ADAMTS6: variants seen among roughly 807,000 people sequenced by gnomAD.
ADAMTS6 encodes the protein ADAM metallopeptidase with thrombospondin type 1 motif 6.
ADAMTS6 carries 23 observed loss-of-function variants against 144.3 expected under a neutral mutation model. The ratio of observed to expected loss-of-function variants is 0.16; its 90% CI spans 0.11 to 0.23. ADAMTS6 has a LOEUF of 0.23. ADAMTS6 is among the 10% of genes least tolerant of loss of function. The pLI is 1.00. For synonymous variants in ADAMTS6, 444 were observed against 457.5 expected (o/e 0.97, Z 0.38); for missense variants, 999 against 1,379.6 (o/e 0.72, Z 4.37).
At chr5:65,178,364 A>G (rs1754114020) in intron 22 of ADAMTS6, among the ~76,000 whole-genome samples, 1 of 152,236 alleles carries the variant, frequency 6.6e-6, no homozygotes, top group Non-Finnish European at 1.5e-5. Flanking sequence ...GAAATCAAAT[A>G]GAGGCAGGAT....
intron 3 of ADAMTS6, among the ~76,000 whole-genome samples, chr5:65,461,261 T>A (rs536037931): frequency 6.6e-6 from 1 of 152,342 alleles, no homozygotes; most frequent in Middle Eastern, 3.4e-3. Context: ...AATCCCACAC[T>A]GCTTTGTTAC....
intron 14 of ADAMTS6, among the ~76,000 whole-genome samples, chr5:65,246,099 T>A (rs375298192): frequency 6.6e-6 from 1 of 152,188 alleles, no homozygotes; most frequent in African/African-American, 2.4e-5. Context: ...ATACAATCTA[T>A]ATAAACATCT....
rs546478234 is a variant in ADAMTS6 at position 65,244,455 on chromosome 5, A to G, written c.1831-2249T>C. ...AAATGGAAGAAAAATAAAATGTCCA[A>G]TATGGGGATATTACTATTTAATGAA... is the stretch of plus-strand genomic sequence containing the variant. On this transcript the variant is annotated intron_variant, in intron 14 of 24. Coordinates refer to ENST00000381055, the MANE Select transcript of ADAMTS6 (RefSeq NM_197941.4). Among the ~76,000 whole-genome samples, 8 of 152,258 alleles carry G rather than the reference A, an allele frequency of 5.3e-5. No homozygotes were observed. The South Asian group carries it at 1.7e-3, about 32-fold the overall frequency.
At chr5:65,380,524 C>G (rs1311554144) in intron 7 of ADAMTS6, among the ~76,000 whole-genome samples, 1 of 152,100 alleles carries the variant, frequency 6.6e-6, no homozygotes, top group African/African-American at 2.4e-5. Flanking sequence ...TGCAGTGAGA[C>G]AAGATCATGC....
chr5:65,248,558 G>T lies in ADAMTS6; in HGVS notation c.1831-6352C>A, dbSNP rs554597294. ...CTCACTCCTGTAATCCCAGCACTTTGAGAAGCCAAGGCAGGGTGGATCGCT... is the reference window on the plus strand; with the variant it reads ...CTCACTCCTGTAATCCCAGCACTTTTAGAAGCCAAGGCAGGGTGGATCGCT... On this transcript the variant is annotated intron_variant, in intron 14 of 24. Coordinates refer to ENST00000381055, the MANE Select transcript of ADAMTS6 (RefSeq NM_197941.4). Among the ~76,000 whole-genome samples, 4 of 152,226 alleles carry T rather than the reference G, an allele frequency of 2.6e-5. No individual in the cohort carries two copies. The East Asian group carries it at 7.7e-4, about 29-fold the overall frequency.
chr5:65,349,662 C>A (rs2150087172), intron 7 of ADAMTS6, among the ~76,000 whole-genome samples: 1 of 152,034 alleles, frequency 6.6e-6, no homozygotes, highest in East Asian at 1.9e-4. Context: ...CGAGACCAGC[C>A]TGGCCAATAT....
intron 7 of ADAMTS6, among the ~76,000 whole-genome samples, chr5:65,404,916 CG>C (rs1561509696): frequency 6.6e-6 from 1 of 152,006 alleles, no homozygotes; most frequent in African/African-American, 2.4e-5. Context: ...CATTTTTTCA[CG>C]TGTCTGTTGG....
intron 7 of ADAMTS6, among the ~76,000 whole-genome samples, chr5:65,348,743 C>T (rs775513862): frequency 2.0e-4 from 31 of 151,490 alleles, no homozygotes; most frequent in Admixed American, 3.3e-4. Flanking sequence ...TATATCAGAA[C>T]ATAACATTGT....
intron 22 of ADAMTS6, among the ~76,000 whole-genome samples, chr5:65,178,090 C>T (rs1168998966): frequency 6.6e-6 from 1 of 152,222 alleles, no homozygotes; most frequent in African/African-American, 2.4e-5. Context: ...TTGTCAAGAG[C>T]TTATCAATCA....
chr5:65,188,074 T>C lies in ADAMTS6; in HGVS notation c.2852A>G (p.Lys951Arg). The C allele has an allele frequency of 1.2e-6, 2 of 1,614,138 alleles. No individual in the cohort carries two copies. Among genetic ancestry groups the C allele is most frequent in the Non-Finnish European group, 1.7e-6 (2 of 1,179,990 alleles). The change falls in exon 22 of 25, where the codon AAA (lysine) becomes AGA (arginine). Residue 951 changes from lysine to arginine, a missense_variant. Physicochemically the swap from Lys to Arg is conservative, Grantham distance 26. This residue lies in a region of ADAMTS6 where 619 missense variants were observed against 837.0 expected (regional missense o/e 0.74). Transcript: ENST00000381055. ...SGCLTHRPVE[K>R]EPCNNQSCPP... ...ACATGACTGGTTGTTGCAGGGCTCT[T>C]TTTCGACAGGCCGGTGTGTTAAACA...
At chr5:65,197,209 T>C in intron 20 of ADAMTS6, 58 bp from the exon 21 acceptor site, 1 of 1,576,768 alleles carries the variant, frequency 6.3e-7, no homozygotes, top group Non-Finnish European at 8.7e-7. Flanking sequence ...TTAAGTTAGG[T>C]ATGCATAGCT....
At chr5:65,465,642 T>C (rs987286198) in intron 3 of ADAMTS6, among the ~76,000 whole-genome samples, 1 of 152,240 alleles carries the variant, frequency 6.6e-6, no homozygotes, top group South Asian at 2.1e-4. Flanking sequence ...TCACTGAAAC[T>C]GCTTTTGTCA....
At chr5:65,308,386 G>T (rs922661560) in intron 9 of ADAMTS6, among the ~76,000 whole-genome samples, 7 of 152,296 alleles carry the variant, frequency 4.6e-5, no homozygotes, top group Admixed American at 2.0e-4. Flanking sequence ...AATTATGTTT[G>T]TTCTGTTAGG....
intron 23 of ADAMTS6, 64 bp from the exon 24 acceptor site, chr5:65,170,837 T>C (rs542049598): frequency 2.0e-6 from 3 of 1,525,776 alleles, no homozygotes; most frequent in African/African-American, 1.4e-5. Context: ...GTAAAAAATA[T>C]ACTATGTCAT....
intron 11 of ADAMTS6, among the ~76,000 whole-genome samples, chr5:65,282,726 T>C (rs1295947019): frequency 2.0e-5 from 3 of 151,974 alleles, no homozygotes; most frequent in Non-Finnish European, 4.4e-5. Flanking sequence ...AATCTTAAGA[T>C]CTCTGTTTTA....
chr5:65,458,707 G>T (rs1759416276), intron 4 of ADAMTS6, among the ~76,000 whole-genome samples: 1 of 152,176 alleles, frequency 6.6e-6, no homozygotes. Flanking sequence ...ACTGCACCCG[G>T]CCAACCCTTT....
At chr5:65,400,209 T>C (rs1271937995) in intron 7 of ADAMTS6, among the ~76,000 whole-genome samples, 1 of 152,110 alleles carries the variant, frequency 6.6e-6, no homozygotes, top group Non-Finnish European at 1.5e-5. Flanking sequence ...AAACGTACAT[T>C]TTAGTTTATT....
intron 15 of ADAMTS6, among the ~76,000 whole-genome samples, chr5:65,234,550 T>C (rs1262360616): frequency 6.6e-6 from 1 of 151,200 alleles, no homozygotes; most frequent in African/African-American, 2.4e-5. Context: ...AAAACCACCA[T>C]GAGATATTAC....
intron 12 of ADAMTS6, among the ~76,000 whole-genome samples, chr5:65,264,918 G>A (rs1761490661): frequency 6.6e-6 from 1 of 152,074 alleles, no homozygotes; most frequent in South Asian, 2.1e-4. Context: ...GTTAAATTAA[G>A]GAATTGTGTC....
Sources: allele counts gnomAD v4.1 joint callset (sites outside exome capture counted in the v4.1 genomes callset), GRCh38; gene constraint gnomAD v4.1.1; regional missense constraint gnomAD v4.1.1; transcripts MANE v1.5; gene names NCBI Gene and HGNC (gene_info 2026-07-23, HGNC 2026-07-21).